Variants in PLCB1 observed in about 807,000 individuals in gnomAD.
The protein encoded by PLCB1 is 1-phosphatidylinositol 4,5-bisphosphate phosphodiesterase beta-1.
A neutral mutation model predicts 161.8 loss-of-function variants in PLCB1; 46 were observed. That is an observed-to-expected ratio of 0.28 (90% CI 0.22 to 0.36). PLCB1 has a LOEUF of 0.36. Ranked by LOEUF, PLCB1 falls within the 10% of genes least tolerant of loss-of-function variation. The pLI is 1.00. For synonymous variants in PLCB1, 517 were observed against 503.7 expected, an observed-to-expected ratio of 1.03 and a Z score of -0.35; for missense variants, 1,016 against 1,472.5, an observed-to-expected ratio of 0.69 and a Z score of 5.07.
intron 3 of PLCB1, among the ~76,000 whole-genome samples, chr20:8,470,590 G>A (rs1275002334): frequency 6.6e-6 from 1 of 152,014 alleles, no homozygotes; most frequent in Non-Finnish European, 1.5e-5. Context: ...CTTAGTCCAG[G>A]CTGGAGTGCA....
chr20:8,378,866 C>T (rs991250381), intron 3 of PLCB1, among the ~76,000 whole-genome samples: 4 of 152,246 alleles, frequency 2.6e-5, no homozygotes, highest in Non-Finnish European at 5.9e-5. Flanking sequence ...AGTGTATCTT[C>T]ACCAGGAGTA....
At chr20:8,621,285 A>C (rs746584472) in intron 3 of PLCB1, among the ~76,000 whole-genome samples, 4 of 152,214 alleles carry the variant, frequency 2.6e-5, no homozygotes, top group Non-Finnish European at 5.9e-5. Flanking sequence ...AGGGCTGTGC[A>C]TACAAATTTT....
chr20:8,183,954 G>T (rs1187589533), intron 2 of PLCB1, among the ~76,000 whole-genome samples: 1 of 152,076 alleles, frequency 6.6e-6, no homozygotes, highest in Non-Finnish European at 1.5e-5. Context: ...ACTGTAAACT[G>T]CATTCTTCCA....
chr20:8,528,844 C>T (rs1461709416), intron 3 of PLCB1, among the ~76,000 whole-genome samples: 5 of 151,568 alleles, frequency 3.3e-5, no homozygotes, highest in East Asian at 3.9e-4. Flanking sequence ...AAAAGTGCTG[C>T]GACAATTCCC....
At chr20:8,276,923 T>C (rs892989404) in intron 2 of PLCB1, among the ~76,000 whole-genome samples, 2 of 148,142 alleles carry the variant, frequency 1.4e-5, no homozygotes, top group African/African-American at 5.0e-5. Flanking sequence ...TTCGTCTTCT[T>C]CTTTTCTTCT....
intron 31 of PLCB1, among the ~76,000 whole-genome samples, chr20:8,824,179 G>A (rs569522541): frequency 3.3e-5 from 5 of 152,054 alleles, no homozygotes; most frequent in Non-Finnish European, 7.4e-5. Context: ...AGATTGTTGG[G>A]CCTGTAAGTA....
intron 2 of PLCB1, among the ~76,000 whole-genome samples, chr20:8,151,942 T>G (rs2051513110): frequency 6.6e-6 from 1 of 152,134 alleles, no homozygotes; most frequent in African/African-American, 2.4e-5. Flanking sequence ...GAAAAAGGGT[T>G]TAGGACCAAA....
intron 31 of PLCB1, among the ~76,000 whole-genome samples, chr20:8,821,209 G>A (rs779144357): frequency 1.6e-4 from 24 of 151,640 alleles, no homozygotes; most frequent in African/African-American, 4.1e-4. Context: ...GGCCGGGTGC[G>A]GTGGCTCATG....
chr20:8,677,803 AAAG>A (rs1478757355), intron 9 of PLCB1, among the ~76,000 whole-genome samples: 5 of 152,204 alleles, frequency 3.3e-5, no homozygotes, highest in African/African-American at 1.2e-4. Context: ...GTGCAGGTGT[AAAG>A]AAGTCATTTT....
In PLCB1 at chr20:8,674,238, C is replaced by T. The variant is rs558335244; in HGVS notation, c.863-10694C>T. ...GATAAATGCTATGGAGAAATATAAA[C>T]AGCATATGAGACAGGAGTGCCAGCA... is the stretch of plus-strand genomic sequence containing the variant. On this transcript the variant is annotated intron_variant, in intron 9 of 31. Coordinates refer to ENST00000338037, the MANE Select transcript of PLCB1 (RefSeq NM_015192.4). Among the ~76,000 whole-genome samples the T allele has an allele frequency of 3.9e-5, 6 of 152,264 alleles. No individual in the cohort carries two copies. The South Asian group carries it at 1.2e-3, about 32-fold the overall frequency.
At chr20:8,388,055 C>T (rs961094699) in intron 3 of PLCB1, among the ~76,000 whole-genome samples, 1 of 150,642 alleles carries the variant, frequency 6.6e-6, no homozygotes, top group African/African-American at 2.4e-5. Flanking sequence ...CAGTGTATTT[C>T]CTGGATGCCT....
chr20:8,333,124 A>G lies in PLCB1; in HGVS notation c.178-38258A>G, dbSNP rs901986656. Among the ~76,000 whole-genome samples, 7 of 152,300 alleles carry G rather than the reference A, an allele frequency of 4.6e-5. No homozygotes were observed. The East Asian group carries it at 1.4e-3, about 29-fold the overall frequency. On this transcript the variant is annotated intron_variant, in intron 2 of 31. Transcript: ENST00000338037. ...GTTACAGAGATGCGCTTTCCTCACC[A>G]TCCTTTCCCCAGTCCCTGATTGAAT... is the stretch of plus-strand genomic sequence containing the variant.
chr20:8,552,277 C>T (rs1480466719), intron 3 of PLCB1, among the ~76,000 whole-genome samples: 1 of 152,044 alleles, frequency 6.6e-6, no homozygotes, highest in Admixed American at 6.6e-5. Context: ...CCCACCAGAC[C>T]CAGATGTAAC....
At chr20:8,339,953 C>A (rs113689474) in intron 2 of PLCB1, among the ~76,000 whole-genome samples, 1,818 of 152,202 alleles carry the variant, frequency 0.012, 30 homozygotes, top group South Asian at 0.075. Flanking sequence ...CAAAGTAAGA[C>A]CCTGTCTCTT....
chr20:8,539,646 T>TTCTTTCTC, intron 3 of PLCB1, among the ~76,000 whole-genome samples: 1 of 91,290 alleles, frequency 1.1e-5, no homozygotes, highest in South Asian at 4.1e-4. Context: ...CTTTCTTTCT[T>TTCTTTCTC]TCTTTCTTTC....
intron 2 of PLCB1, among the ~76,000 whole-genome samples, chr20:8,193,641 C>G (rs732367): frequency 0.027 from 4,106 of 151,986 alleles, 191 homozygotes; most frequent in African/African-American, 0.091. Flanking sequence ...TTTTATACTT[C>G]ATAATTTCTG....
intron 3 of PLCB1, among the ~76,000 whole-genome samples, chr20:8,617,067 A>G (rs1232157065): frequency 1.3e-5 from 2 of 152,142 alleles, no homozygotes; most frequent in South Asian, 2.1e-4. Context: ...ATTGATGCCA[A>G]TAAGAGATTT....
intron 2 of PLCB1, among the ~76,000 whole-genome samples, chr20:8,352,194 C>A (rs945741223): frequency 6.6e-6 from 1 of 152,030 alleles, no homozygotes; most frequent in African/African-American, 2.4e-5. Context: ...CATGTATGAA[C>A]CTTAAATGCA....
At chr20:8,629,988 TTCTTTCTTTCTTTCTTTCTTTCTC>T in intron 4 of PLCB1, among the ~76,000 whole-genome samples, 1 of 124,356 alleles carries the variant, frequency 8.0e-6, no homozygotes, top group Non-Finnish European at 1.7e-5. Context: ...CTTTCTTTCT[TTCTTTCTTTCTTTCTTTCTTTCTC>T]TTTCTTCTTT....
Sources: allele counts gnomAD v4.1 joint callset (sites outside exome capture counted in the v4.1 genomes callset), GRCh38; gene constraint gnomAD v4.1.1; transcripts MANE v1.5; gene names NCBI Gene and HGNC (gene_info 2026-07-23, HGNC 2026-07-21).